LRRC4C: variants seen among roughly 807,000 people sequenced by gnomAD.
The protein encoded by LRRC4C is leucine rich repeat containing 4C.
LRRC4C carries 5 observed loss-of-function variants against 33.6 expected under a neutral mutation model. The ratio of observed to expected loss-of-function variants is 0.15; its 90% CI spans 0.08 to 0.31. The LOEUF is 0.31. LRRC4C is among the 10% of genes least tolerant of loss of function. The pLI is 1.00. For synonymous variants in LRRC4C, 329 were observed against 302.0 expected (o/e 1.09, Z -0.93); for missense variants, 560 against 796.7 (o/e 0.70, Z 3.58).
chr11:40,241,206 G>T (rs766866595), intron 5 of LRRC4C, among the ~76,000 whole-genome samples: 7 of 151,940 alleles, frequency 4.6e-5, no homozygotes, highest in African/African-American at 7.3e-5. Flanking sequence ...CATAGCAAGA[G>T]CCCTGTCTCT....
intron 1 of LRRC4C, among the ~76,000 whole-genome samples, chr11:40,937,496 G>A (rs1957955358): frequency 6.6e-6 from 1 of 152,004 alleles, no homozygotes; most frequent in South Asian, 2.1e-4. Flanking sequence ...AAAATACAGA[G>A]TAACTAATAC....
chr11:41,162,220 T>C lies in LRRC4C; in HGVS notation c.-495-228497A>G, dbSNP rs1057264196. Among the ~76,000 whole-genome samples the C allele has an allele frequency of 2.2e-4, 33 of 152,064 alleles. 1 individual carries two copies. Among genetic ancestry groups the C allele is most frequent in the Non-Finnish European group, 1.3e-4 (9 of 68,016 alleles). On this transcript the variant is annotated intron_variant, in intron 1 of 6. Transcript: ENST00000528697. ...GACAATAAGTCTATCAAACGCAGGG[T>C]CCACAGCATGACTATCTGACCCTCG...
intron 2 of LRRC4C, among the ~76,000 whole-genome samples, chr11:40,855,205 A>G (rs750766928): frequency 6.6e-6 from 1 of 152,162 alleles, no homozygotes; most frequent in Non-Finnish European, 1.5e-5. Context: ...TTAGTGCAAA[A>G]TCAATTTATA....
chr11:40,533,852 GACTCAAGGCTCCA>G (rs1447899311), intron 3 of LRRC4C, among the ~76,000 whole-genome samples: 1 of 152,082 alleles, frequency 6.6e-6, no homozygotes, highest in Non-Finnish European at 1.5e-5. Flanking sequence ...TGTGTCCAAG[GACTCAAGGCTCCA>G]CTTTGAGACT....
intron 2 of LRRC4C, among the ~76,000 whole-genome samples, chr11:40,678,398 T>C (rs1467474797): frequency 6.6e-6 from 1 of 152,144 alleles, no homozygotes; most frequent in Non-Finnish European, 1.5e-5. Flanking sequence ...TTCTGTGGTT[T>C]TTCTGGATTG....
chr11:41,229,701 T>C (rs1366081442), intron 1 of LRRC4C, among the ~76,000 whole-genome samples: 1 of 152,088 alleles, frequency 6.6e-6, no homozygotes, highest in Non-Finnish European at 1.5e-5. Flanking sequence ...AGCAGAATGA[T>C]CTCCTGTCTC....
chr11:40,468,570 A>G (rs1952768505), intron 3 of LRRC4C, among the ~76,000 whole-genome samples: 1 of 151,930 alleles, frequency 6.6e-6, no homozygotes. Flanking sequence ...AAAATTAACC[A>G]TCACAGGAAA....
intron 1 of LRRC4C, among the ~76,000 whole-genome samples, chr11:41,152,146 A>G (rs1484930017): frequency 6.6e-6 from 1 of 152,192 alleles, no homozygotes; most frequent in Admixed American, 6.5e-5. Context: ...ATGTAGTTAA[A>G]GAATGCTGAT....
rs972929171 is a variant in LRRC4C, at chr11:40,326,948, C to T, written c.-269-7227G>A. ...AGAGTGATAAAGGTTTCAAACACAGCTGTAGAAATGGACACAGAAATGTAG... is the reference window on the plus strand; with the variant it reads ...AGAGTGATAAAGGTTTCAAACACAGTTGTAGAAATGGACACAGAAATGTAG... On this transcript the variant is annotated intron_variant, in intron 3 of 6. Transcript: ENST00000528697. 1.2e-4 allele frequency among the ~76,000 whole-genome samples: 19 copies of T among 152,236 alleles called. No individual in the cohort carries two copies. In the Middle Eastern group the frequency reaches 0.01, roughly 82 times the overall value.
intron 3 of LRRC4C, among the ~76,000 whole-genome samples, chr11:40,407,997 T>A (rs532400979): frequency 1.3e-5 from 2 of 152,094 alleles, no homozygotes; most frequent in South Asian, 4.1e-4. Flanking sequence ...TAATTCATTA[T>A]CAGTACAATG....
chr11:40,564,809 C>T (rs1471220437), intron 3 of LRRC4C, among the ~76,000 whole-genome samples: 1 of 152,060 alleles, frequency 6.6e-6, no homozygotes, highest in Non-Finnish European at 1.5e-5. Context: ...CTTTAGTGGA[C>T]AAGTTGCCAT....
At chr11:40,166,161 A>C (rs1334088002) in intron 5 of LRRC4C, among the ~76,000 whole-genome samples, 1 of 152,162 alleles carries the variant, frequency 6.6e-6, no homozygotes, top group Admixed American at 6.5e-5. Context: ...TAGCAGCACT[A>C]TGTAGTCCTA....
chr11:40,667,946 T>C (rs1331441699), intron 2 of LRRC4C, among the ~76,000 whole-genome samples: 5 of 152,194 alleles, frequency 3.3e-5, no homozygotes, highest in Admixed American at 6.5e-5. Flanking sequence ...TCTGCATAGG[T>C]AACTAAAACA....
chr11:40,870,062 A>G (rs201492465), intron 2 of LRRC4C, among the ~76,000 whole-genome samples: 1 of 152,120 alleles, frequency 6.6e-6, no homozygotes, highest in Non-Finnish European at 1.5e-5. Context: ...TGTACCAAGA[A>G]CTATATAATA....
chr11:40,330,422 A>G (rs1946306948), intron 3 of LRRC4C, among the ~76,000 whole-genome samples: 1 of 152,198 alleles, frequency 6.6e-6, no homozygotes, highest in South Asian at 2.1e-4. Flanking sequence ...AGTAAGGGTA[A>G]TTAGCATATC....
chr11:40,552,429 G>A (rs1591082570), intron 3 of LRRC4C, among the ~76,000 whole-genome samples: 1 of 152,162 alleles, frequency 6.6e-6, no homozygotes, highest in African/African-American at 2.4e-5. Flanking sequence ...TGGAAGCAGA[G>A]CCTCTAATAA....
chr11:40,299,828 C>G (rs1944684605), intron 4 of LRRC4C, among the ~76,000 whole-genome samples: 1 of 152,160 alleles, frequency 6.6e-6, no homozygotes, highest in Non-Finnish European at 1.5e-5. Flanking sequence ...CAGAATTTTA[C>G]AGAAGTGTAA....
intron 4 of LRRC4C, among the ~76,000 whole-genome samples, chr11:40,274,398 C>T (rs1048195729): frequency 1.4e-5 from 2 of 143,468 alleles, no homozygotes; most frequent in African/African-American, 5.1e-5. Context: ...AAATTAAGTG[C>T]TTACCCTGCG....
At chr11:40,243,870 T>C (rs1866123839) in intron 4 of LRRC4C, among the ~76,000 whole-genome samples, 1 of 150,534 alleles carries the variant, frequency 6.6e-6, no homozygotes, top group Non-Finnish European at 1.5e-5. Context: ...TTTTTTTTTT[T>C]TGGATTTTTG....
Sources: allele counts gnomAD v4.1 joint callset (sites outside exome capture counted in the v4.1 genomes callset), GRCh38; gene constraint gnomAD v4.1.1; transcripts MANE v1.5; gene names NCBI Gene and HGNC (gene_info 2026-07-23, HGNC 2026-07-21).